PCDHA1: variants seen among roughly 807,000 people sequenced by gnomAD.
PCDHA1 encodes protocadherin alpha-1.
Under a neutral mutation model 61.3 loss-of-function variants are expected in PCDHA1, and 42 were observed. The ratio of observed to expected loss-of-function variants is 0.69; its 90% CI spans 0.54 to 0.89. PCDHA1 has a LOEUF of 0.89. Among genes scored for constraint, PCDHA1 ranks in the 40% least tolerant of loss-of-function variants. The pLI, the probability that PCDHA1 is intolerant of heterozygous loss-of-function variation, is 0.00. For missense variants in PCDHA1, 1,256 were observed against 1,235.3 expected (o/e 1.02, Z -0.25); for synonymous variants, 610 against 553.8 (o/e 1.10, Z -1.43).
At chr5:140,803,687 T>C (rs1763263678) in intron 1 of PCDHA1, 1 of 1,565,258 alleles carries the variant, frequency 6.4e-7, no homozygotes, top group African/African-American at 1.4e-5. Context: ...TAAGTATGAA[T>C]TATGTGATTC....
At position 140,797,163 on chromosome 5, in the gene PCDHA1, G is replaced by T. The variant is rs146821058; in HGVS notation, c.2394+8479G>T. The T allele has an allele frequency of 2.4e-4, 381 of 1,614,050 alleles. 1 individual carries two copies. In the African/African-American group the frequency reaches 4.2e-3, roughly 18 times the overall value. On this transcript the variant is annotated intron_variant, in intron 1 of 3. Coordinates refer to ENST00000504120, the MANE Select transcript of PCDHA1 (RefSeq NM_018900.4). ...TGCCACCCACCGAGGGTGCGCGCGC[G>T]CCAGGAAAGCCCACGCTGGTGTGCT...
intron 3 of PCDHA1, among the ~76,000 whole-genome samples, chr5:140,990,715 A>T (rs927680875): frequency 1.3e-5 from 2 of 152,194 alleles, no homozygotes; most frequent in Admixed American, 6.5e-5. Flanking sequence ...GGATAAGAGC[A>T]TCACTAGGTA....
intron 3 of PCDHA1, among the ~76,000 whole-genome samples, chr5:140,989,910 G>A (rs941838001): frequency 3.3e-5 from 5 of 152,062 alleles, no homozygotes; most frequent in African/African-American, 1.2e-4. Flanking sequence ...ATCAGAAAAA[G>A]AGGGAGAGCA....
At position 140,809,084 on chromosome 5, in the gene PCDHA1, A is replaced by G. The variant is rs1250955428; in HGVS notation, c.2394+20400A>G. 4 of 1,613,806 alleles carry G rather than the reference A, an allele frequency of 2.5e-6. No individual in the cohort carries two copies. Among genetic ancestry groups the G allele is most frequent in the African/African-American group, 1.3e-5 (1 of 74,928 alleles). On this transcript the variant is annotated intron_variant, in intron 1 of 3. Transcript: ENST00000504120. The stretch of plus-strand genomic sequence containing the variant: ...GGGGCTGTACACTGGCGAGATCAGC[A>G]CAACGCGTGCCCTGGACGAAACGGA...
chr5:140,903,513 T>C (rs2070347965), intron 1 of PCDHA1, among the ~76,000 whole-genome samples: 2 of 152,216 alleles, frequency 1.3e-5, no homozygotes, highest in South Asian at 2.1e-4. Flanking sequence ...AATAGTTCTA[T>C]TGTGTTGTTC....
chr5:140,876,349 T>G lies in PCDHA1; in HGVS notation c.2394+87665T>G, dbSNP rs781967314. On this transcript the variant is annotated intron_variant, in intron 1 of 3. Transcript: ENST00000504120. ...TTTGCCAGTGAGTGAGAAATGTATG[T>G]TTTCAATAAATCCAGACACAGGTGA... The G allele has an allele frequency of 3.2e-5, 52 of 1,613,894 alleles. No homozygotes were observed. In the South Asian group the frequency reaches 5.1e-4, roughly 16 times the overall value.
intron 1 of PCDHA1, chr5:140,796,761 T>A (rs151307182): frequency 1.2e-6 from 2 of 1,614,150 alleles, no homozygotes; most frequent in Non-Finnish European, 1.7e-6. Flanking sequence ...CAGTGGACGC[T>A]GACTCAGGCT....
intron 1 of PCDHA1, among the ~76,000 whole-genome samples, chr5:140,889,313 T>G (rs1554183863): frequency 6.6e-6 from 1 of 152,078 alleles, no homozygotes; most frequent in Non-Finnish European, 1.5e-5. Flanking sequence ...ACTGTTGAAG[T>G]TATCTGTATC....
chr5:140,857,552 T>G lies in PCDHA1; in HGVS notation c.2394+68868T>G, dbSNP rs782203645. 82 of 1,596,700 alleles carry G rather than the reference T, an allele frequency of 5.1e-5. 3 individuals carry two copies. The Middle Eastern group carries it at 9.6e-4, about 19-fold the overall frequency. ...GGTGGAGCGGCGGTTGGGCGAGCGC[T>G]CGCTGTCGAGCTACGTGTCGGTGCA... On this transcript the variant is annotated intron_variant, in intron 1 of 3. Transcript: ENST00000504120.
At chr5:140,925,556 T>C (rs1421287870) in intron 1 of PCDHA1, among the ~76,000 whole-genome samples, 2 of 151,752 alleles carry the variant, frequency 1.3e-5, no homozygotes, top group African/African-American at 4.8e-5. Flanking sequence ...AAATGACAAG[T>C]TAATGGGTGC....
Position 140,828,012 on chromosome 5 carries a change from A to G in PCDHA1, c.2394+39328A>G, listed in dbSNP as rs1183696276. On this transcript the variant is annotated intron_variant, in intron 1 of 3. Transcript: ENST00000504120. ...ATGATGGCGGACGCAGAAGAAATGG[A>G]TTAATAAATTCCGGAACATACAGTA... is the stretch of plus-strand genomic sequence containing the variant. 4.0e-6 allele frequency: 6 copies of G among 1,508,934 alleles called. No homozygotes were observed. The East Asian group carries it at 1.4e-4, about 34-fold the overall frequency. The allele number at this position is 1,508,934 out of a possible 1,614,324, so 93.5% of individuals were successfully genotyped here. A position where few individuals can be genotyped will look rare whatever the true frequency, so the allele number is the denominator to read the frequency against.
intron 3 of PCDHA1, among the ~76,000 whole-genome samples, chr5:140,999,602 G>A (rs150839481): frequency 5.1e-4 from 78 of 152,202 alleles, no homozygotes; most frequent in African/African-American, 1.9e-3. Flanking sequence ...CTACATCCTG[G>A]GGGACCTTAT....
chr5:140,869,469 G>A lies in PCDHA1; in HGVS notation c.2394+80785G>A, dbSNP rs781981842. The A allele has an allele frequency of 2.0e-5, 32 of 1,614,092 alleles. No individual in the cohort carries two copies. In the East Asian group the frequency reaches 5.1e-4, roughly 26 times the overall value. On this transcript the variant is annotated intron_variant, in intron 1 of 3. Coordinates refer to ENST00000504120, the MANE Select transcript of PCDHA1 (RefSeq NM_018900.4). Reference sequence around the variant, plus strand: ...TGCAGGTTTTCCATGTGAACGTGGAGGTGAAGGACATTAACGACAACCCGC... The same window carrying A: ...TGCAGGTTTTCCATGTGAACGTGGAAGTGAAGGACATTAACGACAACCCGC...
intron 1 of PCDHA1, chr5:140,834,461 A>T: frequency 6.3e-7 from 1 of 1,589,356 alleles, no homozygotes; most frequent in Non-Finnish European, 8.6e-7. Flanking sequence ...CTTGGGAGGC[A>T]GGGAGAGGCC....
intron 1 of PCDHA1, among the ~76,000 whole-genome samples, chr5:140,944,577 C>G (rs2093670906): frequency 6.6e-6 from 1 of 152,270 alleles, no homozygotes; most frequent in Admixed American, 6.5e-5. Flanking sequence ...CTGTAGAGAT[C>G]ACTTCAGAAT....
At chr5:140,962,169 C>T (rs2095662298) in intron 1 of PCDHA1, among the ~76,000 whole-genome samples, 1 of 152,152 alleles carries the variant, frequency 6.6e-6, no homozygotes, top group Non-Finnish European at 1.5e-5. Flanking sequence ...GCCACCACAC[C>T]CGGCCACTTA....
In PCDHA1 at chr5:140,926,182, C is replaced by G. The variant is rs1041630365; in HGVS notation, c.2395-52767C>G. Among the ~76,000 whole-genome samples, 27 of 151,858 alleles carry G rather than the reference C, an allele frequency of 1.8e-4. No individual in the cohort carries two copies. The East Asian group carries it at 2.5e-3, about 14-fold the overall frequency. On this transcript the variant is annotated intron_variant, in intron 1 of 3. Coordinates refer to ENST00000504120, the MANE Select transcript of PCDHA1 (RefSeq NM_018900.4). ...CAGCAGGATCCAGCGCGGAAAGCCC[C>G]CCGCAGCACTTCTTTCGGGGGGCTC...
At chr5:140,950,882 G>C (rs1182849126) in intron 1 of PCDHA1, among the ~76,000 whole-genome samples, 1 of 151,764 alleles carries the variant, frequency 6.6e-6, no homozygotes, top group Non-Finnish European at 1.5e-5. Flanking sequence ...TTGTTCAATA[G>C]GTCTCTGAGA....
intron 1 of PCDHA1, among the ~76,000 whole-genome samples, chr5:140,790,673 C>G (rs1761595034): frequency 6.6e-6 from 1 of 152,212 alleles, no homozygotes; most frequent in African/African-American, 2.4e-5. Context: ...AAAATAATTT[C>G]TCTTTCCAAT....
Sources: allele counts gnomAD v4.1 joint callset (sites outside exome capture counted in the v4.1 genomes callset), GRCh38; gene constraint gnomAD v4.1.1; transcripts MANE v1.5; gene names NCBI Gene and HGNC (gene_info 2026-07-23, HGNC 2026-07-21).